Variants in LRBA observed in about 807,000 individuals in gnomAD.
LRBA encodes the protein LPS responsive beige-like anchor protein, also known as lipopolysaccharide-responsive and beige-like anchor protein.
In LRBA, 176 loss-of-function variants were observed where a neutral mutation model predicts 330.0. The observed-to-expected ratio is 0.53, with a 90% CI of 0.47 to 0.60. The LOEUF (loss-of-function observed/expected upper bound fraction) is 0.60. LRBA is among the 20% of genes least tolerant of loss of function. The pLI, the probability that LRBA is intolerant of heterozygous loss-of-function variation, is 0.00. For missense variants in LRBA, 3,259 were observed against 3,444.8 expected, an observed-to-expected ratio of 0.95 and a Z score of 1.35; for synonymous variants, 1,230 against 1,193.0, an observed-to-expected ratio of 1.03 and a Z score of -0.64.
At chr4:150,725,329 C>T (rs1462219863) in intron 36 of LRBA, among the ~76,000 whole-genome samples, 3 of 152,030 alleles carry the variant, frequency 2.0e-5, no homozygotes, top group Non-Finnish European at 4.4e-5. Flanking sequence ...AAGAAAGGAT[C>T]CTAAATGCAG....
At position 150,516,217 on chromosome 4, in the gene LRBA, C is replaced by CTTTTTTTT. The variant is rs869205771; in HGVS notation, c.6331-25190_6331-25183dup. Among the ~76,000 whole-genome samples the CTTTTTTTT allele has an allele frequency of 2.0e-3, 59 of 29,406 alleles. 2 individuals are homozygous for CTTTTTTTT. Among genetic ancestry groups the CTTTTTTTT allele is most frequent in the East Asian group, 5.2e-3 (6 of 1,156 alleles). The allele number at this position is 29,406 out of a possible 152,430, so 19.3% of individuals were successfully genotyped here. A position where few individuals can be genotyped will look rare whatever the true frequency, so the allele number is the denominator to read the frequency against. ...AATTCAGTCTGACATTTTCTATTCT[C>CTTTTTTTT]TTTTTTTTTTTTTTTTTTTTTTTTT... On this transcript the variant is annotated intron_variant, in intron 40 of 56. Coordinates refer to ENST00000651943, the MANE Select transcript of LRBA (RefSeq NM_001364905.1).
At chr4:150,354,833 G>A (rs1278605616) in intron 47 of LRBA, among the ~76,000 whole-genome samples, 1 of 151,770 alleles carries the variant, frequency 6.6e-6, no homozygotes, top group African/African-American at 2.4e-5. Context: ...TGTTTGTTCT[G>A]CATACAGAAT....
intron 4 of LRBA, among the ~76,000 whole-genome samples, chr4:150,923,340 C>T (rs1733527945): frequency 6.6e-6 from 1 of 152,100 alleles, no homozygotes; most frequent in East Asian, 1.9e-4. Context: ...CTTCTTCCCA[C>T]AACAGGGCCT....
chr4:150,752,927 T>A (rs550009072), intron 35 of LRBA, among the ~76,000 whole-genome samples: 9 of 152,274 alleles, frequency 5.9e-5, no homozygotes, highest in African/African-American at 2.2e-4. Flanking sequence ...GATAGTTACA[T>A]GTAGAAAAGC....
intron 17 of LRBA, among the ~76,000 whole-genome samples, chr4:150,881,805 G>A (rs1005636375): frequency 1.1e-4 from 17 of 151,976 alleles, no homozygotes; most frequent in African/African-American, 4.1e-4. Context: ...ATCACAATAG[G>A]GCTGGGCGCG....
At chr4:150,375,599 C>A (rs1246647015) in intron 47 of LRBA, among the ~76,000 whole-genome samples, 1 of 150,206 alleles carries the variant, frequency 6.7e-6, no homozygotes, top group Non-Finnish European at 1.5e-5. Context: ...GCTGGGATTA[C>A]AGGTGCGCAC....
chr4:150,727,067 GTTTTTTTTTT>G (rs34671398), intron 36 of LRBA, among the ~76,000 whole-genome samples: 10 of 79,528 alleles, frequency 1.3e-4, no homozygotes, highest in East Asian at 4.5e-4. Context: ...ACATTTCGTT[GTTTTTTTTTT>G]TTTTTTTTTT....
At chr4:150,640,771 C>A (rs556078384) in intron 37 of LRBA, among the ~76,000 whole-genome samples, 1 of 151,988 alleles carries the variant, frequency 6.6e-6, no homozygotes, top group East Asian at 1.9e-4. Context: ...TACTTATTGT[C>A]GAAATGTTAC....
At chr4:150,773,497 T>G (rs984686562) in intron 34 of LRBA, among the ~76,000 whole-genome samples, 1 of 152,356 alleles carries the variant, frequency 6.6e-6, no homozygotes, top group Non-Finnish European at 1.5e-5. Context: ...AATAATACAC[T>G]GTCATTCTCA....
intron 42 of LRBA, among the ~76,000 whole-genome samples, chr4:150,487,042 T>C (rs1362037358): frequency 1.2e-4 from 18 of 151,794 alleles, no homozygotes; most frequent in Admixed American, 6.6e-4. Context: ...TCAGCTGATG[T>C]ACACTTACGT....
chr4:150,946,931 A>G (rs1450188271), intron 2 of LRBA, among the ~76,000 whole-genome samples: 1 of 151,552 alleles, frequency 6.6e-6, no homozygotes, highest in Admixed American at 6.6e-5. Flanking sequence ...AAAAAAAAAA[A>G]TAGGGAATAC....
intron 43 of LRBA, among the ~76,000 whole-genome samples, 169 bp downstream of exon 43, chr4:150,471,455 C>T (rs1357955977): frequency 6.6e-6 from 1 of 152,182 alleles, no homozygotes; most frequent in Admixed American, 6.5e-5. Flanking sequence ...CTTAAAATGA[C>T]TTCTATGAGA....
intron 53 of LRBA, among the ~76,000 whole-genome samples, chr4:150,293,827 C>T (rs758390581): frequency 2.0e-5 from 3 of 152,192 alleles, no homozygotes; most frequent in Non-Finnish European, 4.4e-5. Flanking sequence ...TCAGTCTACT[C>T]GGTGTGAAGA....
chr4:150,844,188 G>A lies in LRBA; in HGVS notation c.4481C>T (p.Thr1494Ile), dbSNP rs779432998. 1 of 1,602,870 alleles carries A rather than the reference G, an allele frequency of 6.2e-7. No homozygotes were observed. Among genetic ancestry groups the A allele is most frequent in the South Asian group, 1.1e-5 (1 of 90,130 alleles). Residue 1494 changes from threonine (T) to isoleucine (I), a missense_variant, in exon 28 of 57, where the codon ACT (threonine) becomes ATT (isoleucine). Coordinates refer to ENST00000651943, the MANE Select transcript of LRBA (RefSeq NM_001364905.1). ...SAAKSPVDIV[T>I]GGISPVRDLD... ...ATCTCTTACTGGAGATATACCGCCA[G>A]TCACAATGTCCACTGGGCTCTATTT...
chr4:150,727,079 T>TG (rs1421453192), intron 36 of LRBA, among the ~76,000 whole-genome samples: 15 of 135,570 alleles, frequency 1.1e-4, no homozygotes, highest in Non-Finnish European at 1.8e-4. Context: ...TTTTTTTTTT[T>TG]TTTTTTTTTT....
intron 35 of LRBA, among the ~76,000 whole-genome samples, chr4:150,741,368 AAAG>A (rs1183267274): frequency 6.6e-6 from 1 of 152,186 alleles, no homozygotes; most frequent in Non-Finnish European, 1.5e-5. Context: ...GCACTTCACA[AAAG>A]AAGATTTCCA....
At chr4:150,446,595 C>T (rs772814288) in intron 44 of LRBA, among the ~76,000 whole-genome samples, 2 of 152,190 alleles carry the variant, frequency 1.3e-5, no homozygotes, top group Admixed American at 6.5e-5. Flanking sequence ...ACCTCTAAAA[C>T]AATCCCCAAA....
At chr4:151,012,390 T>C (rs909920243) in intron 2 of LRBA, among the ~76,000 whole-genome samples, 1 of 152,234 alleles carries the variant, frequency 6.6e-6, no homozygotes, top group Non-Finnish European at 1.5e-5. Context: ...AAAGATGTTG[T>C]GTCTTCACAC....
chr4:150,642,141 T>C (rs1243878949), intron 37 of LRBA, among the ~76,000 whole-genome samples: 1 of 151,988 alleles, frequency 6.6e-6, no homozygotes, highest in African/African-American at 2.4e-5. Context: ...AAATATGAAA[T>C]CTCACTTTTG....
Sources: allele counts gnomAD v4.1 joint callset (sites outside exome capture counted in the v4.1 genomes callset), GRCh38; gene constraint gnomAD v4.1.1; transcripts MANE v1.5; gene names NCBI Gene and HGNC (gene_info 2026-07-23, HGNC 2026-07-21).